The following RCSD1 variants were observed in gnomAD, a reference collection of about 807,000 sequenced individuals.
RCSD1 encodes the protein RCSD domain containing 1.
RCSD1 carries 26 observed loss-of-function variants against 42.5 expected under a neutral mutation model. That is an observed-to-expected ratio of 0.61 (90% CI 0.45 to 0.85). RCSD1 has a LOEUF of 0.85. RCSD1 is among the 40% of genes least tolerant of loss of function. RCSD1 has a pLI of 0.00. For missense variants in RCSD1, 571 were observed against 528.3 expected (o/e 1.08, Z -0.79); for synonymous variants, 220 against 212.2 (o/e 1.04, Z -0.32).
At chr1:167,641,817 G>T (rs991310578) in intron 1 of RCSD1, 1 of 152,260 alleles carries the variant, frequency 6.6e-6, no homozygotes, top group Non-Finnish European at 1.5e-5. Context: ...AAAACAGTGT[G>T]ATTGGTTCTG....
chr1:167,692,261 T>C (rs146752384), intron 4 of RCSD1, among the ~76,000 whole-genome samples: 21 of 152,380 alleles, frequency 1.4e-4, no homozygotes, highest in Non-Finnish European at 5.9e-5. Context: ...TTCTACTGAA[T>C]GAATTATGAA....
Position 167,706,961 on chromosome 1 carries a change from A to G in RCSD1, c.*2265A>G, listed in dbSNP as rs138308609. Among the ~76,000 whole-genome samples the G allele has an allele frequency of 5.4e-3, 819 of 152,334 alleles. 2 individuals are homozygous for G. Among genetic ancestry groups the G allele is most frequent in the Middle Eastern group, 0.017 (5 of 294 alleles). On this transcript the variant is annotated 3_prime_UTR_variant, in exon 7 of 7. Coordinates refer to ENST00000367854, the MANE Select transcript of RCSD1 (RefSeq NM_052862.4). ...ACCTTGTTTCTTTCAGGCTTCCATA[A>G]TGGGTTTGAAAGAAAACACGGATTC...
chr1:167,635,932 T>C (rs187269909), intron 1 of RCSD1, among the ~76,000 whole-genome samples: 51 of 152,364 alleles, frequency 3.3e-4, no homozygotes, highest in South Asian at 1.2e-3. Context: ...ATGGTTCTTG[T>C]AGCAGCAAAG....
chr1:167,702,236 A>G (rs76428435), intron 6 of RCSD1, among the ~76,000 whole-genome samples: 2,909 of 152,250 alleles, frequency 0.019, 103 homozygotes, highest in African/African-American at 0.066. Flanking sequence ...GAGAGAAAAC[A>G]GGGGAAAGTT....
intron 5 of RCSD1, among the ~76,000 whole-genome samples, chr1:167,696,090 A>G (rs6658182): frequency 0.23 from 34,613 of 151,790 alleles, 6,505 homozygotes; most frequent in African/African-American, 0.52. Context: ...GGCAGGAAGG[A>G]CAGAGTTAGG....
In RCSD1 at chr1:167,697,091, T is replaced by A; in HGVS notation, c.475-8T>A. 6.3e-7 allele frequency: 1 copy of A among 1,597,040 alleles called. No homozygotes were observed. Among genetic ancestry groups the A allele is most frequent in the South Asian group, 1.1e-5 (1 of 89,482 alleles). On this transcript the variant is annotated splice_polypyrimidine_tract_variant and splice_region_variant and intron_variant, in intron 5 of 6. Transcript: ENST00000367854. ...TTTTGGATAACTTTCCTTAACACTT[T>A]CTTCTAGGTGCGGACGAGGGGCTCA... is the stretch of plus-strand genomic sequence containing the variant.
At chr1:167,672,373 A>G (rs1323835509) in intron 1 of RCSD1, among the ~76,000 whole-genome samples, 1 of 152,214 alleles carries the variant, frequency 6.6e-6, no homozygotes, top group Non-Finnish European at 1.5e-5. Context: ...AGTGGCTTGC[A>G]CTATATGAAC....
intron 1 of RCSD1, among the ~76,000 whole-genome samples, chr1:167,650,068 C>T (rs1558075310): frequency 6.6e-6 from 1 of 152,162 alleles, no homozygotes; most frequent in Non-Finnish European, 1.5e-5. Context: ...GCTGTGGGAT[C>T]TTGAATCAGT....
chr1:167,645,019 T>C (rs555842974), intron 1 of RCSD1, among the ~76,000 whole-genome samples: 2 of 152,278 alleles, frequency 1.3e-5, no homozygotes, highest in Non-Finnish European at 2.9e-5. Context: ...AGGTCTTTCC[T>C]GAAGAAAGTC....
intron 1 of RCSD1, among the ~76,000 whole-genome samples, chr1:167,666,012 A>C (rs1481055568): frequency 1.3e-5 from 2 of 152,148 alleles, no homozygotes; most frequent in Non-Finnish European, 2.9e-5. Flanking sequence ...GGGTTTGGCC[A>C]TGTTTGCCAG....
chr1:167,693,687 A>G (rs1024694750), intron 4 of RCSD1, among the ~76,000 whole-genome samples: 2 of 152,244 alleles, frequency 1.3e-5, no homozygotes, highest in African/African-American at 4.8e-5. Context: ...TGTGCCCTGC[A>G]ATAGTAGGCA....
At chr1:167,652,525 G>T (rs2102208038) in intron 1 of RCSD1, among the ~76,000 whole-genome samples, 1 of 152,346 alleles carries the variant, frequency 6.6e-6, no homozygotes, top group East Asian at 1.9e-4. Context: ...CCTCGAGACA[G>T]ACCAACAGTT....
chr1:167,648,452 T>C (rs1209672224), intron 1 of RCSD1, among the ~76,000 whole-genome samples: 1 of 152,190 alleles, frequency 6.6e-6, no homozygotes, highest in African/African-American at 2.4e-5. Flanking sequence ...GTGTGTACAA[T>C]TGCAGGCTCA....
At chr1:167,657,713 A>G (rs1658453747) in intron 1 of RCSD1, among the ~76,000 whole-genome samples, 1 of 151,976 alleles carries the variant, frequency 6.6e-6, no homozygotes, top group Non-Finnish European at 1.5e-5. Context: ...TTTTCCAGGT[A>G]TTTGTTCCCC....
chr1:167,649,781 G>A (rs1010156139), intron 1 of RCSD1, among the ~76,000 whole-genome samples: 10 of 152,192 alleles, frequency 6.6e-5, no homozygotes, highest in African/African-American at 2.4e-4. Flanking sequence ...TGACGACTAA[G>A]GGAGAGGACA....
chr1:167,697,350 AC>A lies in RCSD1; in HGVS notation c.729del (p.Ser244AlafsTer74). The A allele has an allele frequency of 6.2e-7, 1 of 1,614,016 alleles. No individual in the cohort carries two copies. Among genetic ancestry groups the A allele is most frequent in the African/African-American group, 1.3e-5 (1 of 75,008 alleles). On this transcript the variant is annotated frameshift_variant, in exon 6 of 7. Coordinates refer to ENST00000367854, the MANE Select transcript of RCSD1 (RefSeq NM_052862.4). LOFTEE classifies it high-confidence loss of function. ...PAEKPPLRRSPSRTEKQEEDR... is the reference protein window; with the variant it reads ...PAEKPPLRRSXSRTEKQEEDR... ...CTGAAAAGCCTCCTCTGAGGAGGTCACCCAGCAGGACAGAGAAGCAGGAGGA... is the reference window on the plus strand; with the variant it reads ...CTGAAAAGCCTCCTCTGAGGAGGTCACCAGCAGGACAGAGAAGCAGGAGGA...
At chr1:167,630,721 T>TAAAAAACAAAAAAAA (rs1657674881) in intron 1 of RCSD1, 1 of 32,588 alleles carries the variant, frequency 3.1e-5, no homozygotes, top group East Asian at 1.3e-3. Context: ...ACTTAAATGC[T>TAAAAAACAAAAAAAA]AAAAAAAAAA....
intron 1 of RCSD1, among the ~76,000 whole-genome samples, chr1:167,646,062 T>C (rs1658135183): frequency 6.6e-6 from 1 of 152,184 alleles, no homozygotes; most frequent in African/African-American, 2.4e-5. Context: ...GAATCCACAG[T>C]GCAGATTTGG....
intron 1 of RCSD1, among the ~76,000 whole-genome samples, chr1:167,674,273 G>GA (rs1433368678): frequency 6.6e-6 from 1 of 152,180 alleles, no homozygotes; most frequent in Non-Finnish European, 1.5e-5. Flanking sequence ...GGTTGGAAGA[G>GA]ACTGCTCAGA....
Sources: gnomAD v4.1 joint callset for allele counts (sites outside exome capture counted in the v4.1 genomes callset) on GRCh38, gnomAD v4.1.1 for gene constraint, MANE v1.5 for transcripts, NCBI Gene and HGNC (gene_info 2026-07-23, HGNC 2026-07-21) for gene names.